Variants in CFAP77 observed in about 807,000 individuals in gnomAD.
The protein encoded by CFAP77 is cilia and flagella associated protein 77, also known as cilia- and flagella-associated protein 77.
CFAP77 carries 25 observed loss-of-function variants against 31.1 expected under a neutral mutation model. The observed-to-expected ratio is 0.80, with a 90% CI of 0.59 to 1.12. CFAP77 has a LOEUF of 1.12. CFAP77 is among the 50% of genes most tolerant of loss of function. CFAP77 has a pLI of 0.00. For missense variants in CFAP77, 377 were observed against 397.3 expected (o/e 0.95, Z 0.44); for synonymous variants, 151 against 159.9 (o/e 0.94, Z 0.42).
At chr9:132,569,387 CAG>C (rs1050170341) in intron 5 of CFAP77, among the ~76,000 whole-genome samples, 16 of 151,770 alleles carry the variant, frequency 1.1e-4, no homozygotes, top group African/African-American at 3.9e-4. Flanking sequence ...GCCTGGGTGA[CAG>C]AGTGAGAACC....
chr9:132,547,110 G>C (rs915918902), intron 5 of CFAP77, among the ~76,000 whole-genome samples: 1 of 152,222 alleles, frequency 6.6e-6, no homozygotes, highest in Non-Finnish European at 1.5e-5. Flanking sequence ...GATGCCCTCT[G>C]TGCCCTGTGG....
At chr9:132,429,904 G>A (rs1242268976) in intron 1 of CFAP77, among the ~76,000 whole-genome samples, 1 of 151,668 alleles carries the variant, frequency 6.6e-6, no homozygotes, top group Non-Finnish European at 1.5e-5. Flanking sequence ...GAATGCAAAT[G>A]CCACCATTGC....
intron 3 of CFAP77, among the ~76,000 whole-genome samples, chr9:132,510,507 G>A (rs1186223585): frequency 6.6e-6 from 1 of 152,208 alleles, no homozygotes; most frequent in Admixed American, 6.5e-5. Context: ...GCACCTCCCT[G>A]GCACTGCACG....
rs1404846818 is a variant in CFAP77 at position 132,554,173 on chromosome 9, G to A, written c.732+11126G>A. Among the ~76,000 whole-genome samples the A allele has an allele frequency of 2.6e-5, 4 of 152,076 alleles. No homozygotes were observed. Among genetic ancestry groups the A allele is most frequent in the Non-Finnish European group, 4.4e-5 (3 of 68,018 alleles). ...TCAAAGCCCTATGTCCCTAATCATCGAGTGCACTGTCATGCCTTCTGTTGT... is the reference window on the plus strand; with the variant it reads ...TCAAAGCCCTATGTCCCTAATCATCAAGTGCACTGTCATGCCTTCTGTTGT... On this transcript the variant is annotated intron_variant, in intron 5 of 5. Coordinates refer to ENST00000393216, the MANE Select transcript of CFAP77 (RefSeq NM_001282957.2). The surrounding 1 kb of genome is among the most constrained non-coding windows in gnomAD (Gnocchi z 4.1).
chr9:132,546,729 T>C (rs1852737699), intron 5 of CFAP77, among the ~76,000 whole-genome samples: 1 of 152,242 alleles, frequency 6.6e-6, no homozygotes, highest in South Asian at 2.1e-4. Context: ...GTCTTCTTTC[T>C]GGTCTGTGCC....
At chr9:132,474,938 C>T (rs1187380170) in intron 1 of CFAP77, among the ~76,000 whole-genome samples, 1 of 152,128 alleles carries the variant, frequency 6.6e-6, no homozygotes, top group Non-Finnish European at 1.5e-5. Context: ...AATAAGAAAG[C>T]TCAAAATTAT....
chr9:132,415,235 G>T (rs113750436), intron 1 of CFAP77, among the ~76,000 whole-genome samples: 2 of 152,250 alleles, frequency 1.3e-5, no homozygotes, highest in African/African-American at 4.8e-5. Context: ...AGAGTGCCGT[G>T]GGTTGATCCA....
chr9:132,536,335 C>T (rs1378202191), intron 3 of CFAP77, among the ~76,000 whole-genome samples: 1 of 151,046 alleles, frequency 6.6e-6, no homozygotes, highest in African/African-American at 2.4e-5. Context: ...GGGCTGGTTA[C>T]TGTACAAAAT....
In CFAP77 at chr9:132,495,066, G is replaced by C. The variant is rs1381414456; in HGVS notation, c.196-3629G>C. The stretch of plus-strand genomic sequence containing the variant: ...TTTTGCAAGACAGTGAATTTCATAA[G>C]AGCAGGGCTGTGTGTCTGATCTGTT... On this transcript the variant is annotated intron_variant, in intron 1 of 5. Transcript: ENST00000393216. The surrounding 1 kb of genome is among the most constrained non-coding windows in gnomAD (Gnocchi z 4.2). Among the ~76,000 whole-genome samples the C allele has an allele frequency of 6.6e-6, 1 of 152,220 alleles. No homozygotes were observed. Among genetic ancestry groups the C allele is most frequent in the Admixed American group, 6.5e-5 (1 of 15,288 alleles).
At chr9:132,458,347 G>C (rs1178321662) in intron 1 of CFAP77, among the ~76,000 whole-genome samples, 1 of 124,766 alleles carries the variant, frequency 8.0e-6, no homozygotes, top group African/African-American at 3.1e-5. Flanking sequence ...CCTGGCGGGG[G>C]AGGGGGGGGG....
rs187751347 is a variant in CFAP77, at chr9:132,554,578, C to T, written c.732+11531C>T. On this transcript the variant is annotated intron_variant, in intron 5 of 5. Transcript: ENST00000393216. The surrounding 1 kb of genome is among the most constrained non-coding windows in gnomAD (Gnocchi z 4.1). ...TCTTGAACTCCTGGGCTCAAGAGAT[C>T]TGCCCGCCTTGGCCTCCCAAAGTGT... is the stretch of plus-strand genomic sequence containing the variant. Among the ~76,000 whole-genome samples, 21 of 152,158 alleles carry T rather than the reference C, an allele frequency of 1.4e-4. No homozygotes were observed. Among genetic ancestry groups the T allele is most frequent in the Admixed American group, 4.6e-4 (7 of 15,274 alleles).
Position 132,501,130 on chromosome 9 carries a change from T to C in CFAP77, c.524+1530T>C, listed in dbSNP as rs1349064741. Among the ~76,000 whole-genome samples the C allele has an allele frequency of 1.3e-5, 2 of 152,250 alleles. No homozygotes were observed. Among genetic ancestry groups the C allele is most frequent in the Admixed American group, 6.5e-5 (1 of 15,290 alleles). ...GTAGTTGTGTTTAATCGAAACTCAC[T>C]CATGGCTCACATGATTGGAAAGTGC... On this transcript the variant is annotated intron_variant, in intron 3 of 5. Coordinates refer to ENST00000393216, the MANE Select transcript of CFAP77 (RefSeq NM_001282957.2). This position sits in a 1 kb window ranked among gnomAD's most constrained non-coding sequence, Gnocchi z 4.6.
chr9:132,410,750 A>G (rs1849978137), intron 1 of CFAP77, among the ~76,000 whole-genome samples: 1 of 152,220 alleles, frequency 6.6e-6, no homozygotes, highest in Non-Finnish European at 1.5e-5. Flanking sequence ...ACAGCGCCTG[A>G]CATGGGGTAA....
chr9:132,512,131 G>T (rs1852051688), intron 3 of CFAP77, among the ~76,000 whole-genome samples: 1 of 152,106 alleles, frequency 6.6e-6, no homozygotes, highest in African/African-American at 2.4e-5. Flanking sequence ...TGTTGGCAGG[G>T]CCACGCTCCC....
At chr9:132,484,722 CTT>C (rs373261701) in intron 1 of CFAP77, among the ~76,000 whole-genome samples, 1 of 145,360 alleles carries the variant, frequency 6.9e-6, no homozygotes, top group Non-Finnish European at 1.5e-5. Context: ...TGCCTGTTTT[CTT>C]TTTTTTTTTA....
chr9:132,549,029 A>G (rs976609802), intron 5 of CFAP77, among the ~76,000 whole-genome samples: 2 of 152,194 alleles, frequency 1.3e-5, no homozygotes, highest in Non-Finnish European at 2.9e-5. Flanking sequence ...CTCAGCAGCC[A>G]GCCAAGCAGT....
chr9:132,483,663 C>G (rs528117259), intron 1 of CFAP77, among the ~76,000 whole-genome samples: 1 of 152,302 alleles, frequency 6.6e-6, no homozygotes, highest in Non-Finnish European at 1.5e-5. Flanking sequence ...TCCCACCATA[C>G]TGTCAGAACA....
intron 5 of CFAP77, among the ~76,000 whole-genome samples, chr9:132,560,449 G>T (rs908219674): frequency 6.6e-6 from 1 of 152,182 alleles, no homozygotes; most frequent in African/African-American, 2.4e-5. Context: ...CAATTATTTT[G>T]CTCCTAGCGT....
At chr9:132,494,135 T>A (rs1290554230) in intron 1 of CFAP77, among the ~76,000 whole-genome samples, 1 of 152,158 alleles carries the variant, frequency 6.6e-6, no homozygotes, top group African/African-American at 2.4e-5. Flanking sequence ...TGGTCTCAAA[T>A]TCCTGGGCTC....
Sources: allele counts gnomAD v4.1 joint callset (sites outside exome capture counted in the v4.1 genomes callset), GRCh38; gene constraint gnomAD v4.1.1; non-coding constraint Gnocchi (gnomAD v3.1); transcripts MANE v1.5; gene names NCBI Gene and HGNC (gene_info 2026-07-23, HGNC 2026-07-21).